MECOM: variants seen among roughly 807,000 people sequenced by gnomAD.
The protein encoded by MECOM is histone-lysine N-methyltransferase MECOM.
A neutral mutation model predicts 116.3 loss-of-function variants in MECOM; 13 were observed. The observed-to-expected ratio is 0.11, with a 90% CI of 0.07 to 0.18. MECOM has a LOEUF of 0.18. Ranked by LOEUF, MECOM falls within the 10% of genes least tolerant of loss-of-function variation. The probability of loss-of-function intolerance (pLI) is 1.00; values close to 1 mark genes in which losing one functional copy is unlikely to be tolerated. For missense variants in MECOM, 1,299 were observed against 1,509.0 expected, an observed-to-expected ratio of 0.86 and a Z score of 2.31; for synonymous variants, 528 against 535.2, an observed-to-expected ratio of 0.99 and a Z score of 0.19.
chr3:169,415,144 T>G (rs995456375), intron 1 of MECOM, among the ~76,000 whole-genome samples: 8 of 152,040 alleles, frequency 5.3e-5, no homozygotes, highest in African/African-American at 1.9e-4. Flanking sequence ...AAAGGTCAGG[T>G]TACACACAAA....
chr3:169,243,896 C>T (rs963353489), intron 2 of MECOM, among the ~76,000 whole-genome samples: 9 of 152,210 alleles, frequency 5.9e-5, no homozygotes, highest in African/African-American at 1.9e-4. Flanking sequence ...TTGGAGCACT[C>T]GCCTGACAGG....
At chr3:169,567,763 A>G (rs1173841917) in intron 1 of MECOM, among the ~76,000 whole-genome samples, 1 of 152,222 alleles carries the variant, frequency 6.6e-6, no homozygotes. Flanking sequence ...GTTAATTTCC[A>G]TAACACTTCT....
intron 2 of MECOM, among the ~76,000 whole-genome samples, chr3:169,261,409 A>C (rs1706988765): frequency 6.6e-6 from 1 of 152,158 alleles, no homozygotes; most frequent in Non-Finnish European, 1.5e-5. Flanking sequence ...ATTAAGAAAC[A>C]AAAGAAGGGA....
At position 169,583,713 on chromosome 3, in the gene MECOM, G is replaced by A. The variant is rs948693895; in HGVS notation, c.37+79623C>T. ...GTGTCACCCAGATTGGATGCAAACA[G>A]AACTCACTACAGCCTCTACCTCCTG... On this transcript the variant is annotated intron_variant, in intron 1 of 16. Transcript: ENST00000651503. Among the ~76,000 whole-genome samples, 191 of 151,418 alleles carry A rather than the reference G, an allele frequency of 1.3e-3. No individual in the cohort carries two copies. In the Middle Eastern group the frequency reaches 0.014, roughly 11 times the overall value.
At position 169,326,430 on chromosome 3, in the gene MECOM, A is replaced by G. The variant is rs146221554; in HGVS notation, c.375+54757T>C. ...TTAGACATGTAGAATTTATTATCTG[A>G]AAGAAAACCTAATCAATAGGTATTT... On this transcript the variant is annotated intron_variant, in intron 2 of 16. Coordinates refer to ENST00000651503, the MANE Select transcript of MECOM (RefSeq NM_004991.4). 2.0e-4 allele frequency among the ~76,000 whole-genome samples: 31 copies of G among 152,354 alleles called. No homozygotes were observed. The East Asian group carries it at 6.0e-3, about 29-fold the overall frequency.
chr3:169,504,083 G>C (rs189499656), intron 1 of MECOM, among the ~76,000 whole-genome samples: 1 of 149,610 alleles, frequency 6.7e-6, no homozygotes, highest in Non-Finnish European at 1.5e-5. Context: ...AGATCAAAAG[G>C]CACACTTTGT....
chr3:169,640,664 A>C (rs901614400), intron 1 of MECOM, among the ~76,000 whole-genome samples: 8 of 152,238 alleles, frequency 5.3e-5, no homozygotes, highest in African/African-American at 1.9e-4. Context: ...GACGTCATGG[A>C]AACATCACCA....
intron 1 of MECOM, among the ~76,000 whole-genome samples, chr3:169,420,086 G>A (rs1045950207): frequency 4.6e-5 from 7 of 152,118 alleles, no homozygotes; most frequent in East Asian, 3.9e-4. Context: ...TTAGAATGGC[G>A]ATCATTAAAA....
At chr3:169,410,140 A>T (rs1918965) in intron 1 of MECOM, among the ~76,000 whole-genome samples, 6,741 of 152,294 alleles carry the variant, frequency 0.044, 462 homozygotes, top group Admixed American at 0.19. Context: ...ATCAGGCGAA[A>T]TCAAAAATGG....
chr3:169,477,193 C>CAAAGGT (rs1750631115), intron 1 of MECOM: 1 of 136,628 alleles, frequency 7.3e-6, no homozygotes, highest in Non-Finnish European at 1.5e-5. Context: ...CTTCACACTG[C>CAAAGGT]AAAGGTCTAG....
intron 1 of MECOM, among the ~76,000 whole-genome samples, chr3:169,456,204 A>G (rs1215718472): frequency 1.3e-5 from 2 of 152,136 alleles, no homozygotes; most frequent in Admixed American, 6.5e-5. Context: ...CCACCACTAC[A>G]TGAGTCTTTT....
intron 2 of MECOM, among the ~76,000 whole-genome samples, chr3:169,154,522 C>G (rs1741648994): frequency 6.6e-6 from 1 of 152,150 alleles, no homozygotes; most frequent in African/African-American, 2.4e-5. Flanking sequence ...TTGCAATGAT[C>G]TCCTGCCAGA....
At chr3:169,605,506 A>G (rs773142190) in intron 1 of MECOM, among the ~76,000 whole-genome samples, 1 of 152,262 alleles carries the variant, frequency 6.6e-6, no homozygotes, top group Non-Finnish European at 1.5e-5. Flanking sequence ...TAACCCTGTT[A>G]GCCCTGTGTG....
chr3:169,138,180 T>C (rs1237614631), intron 3 of MECOM, among the ~76,000 whole-genome samples: 1 of 152,152 alleles, frequency 6.6e-6, no homozygotes, highest in African/African-American at 2.4e-5. Context: ...CAGAAATAGT[T>C]ACAGTCTATT....
chr3:169,221,623 G>A (rs566561365), intron 2 of MECOM, among the ~76,000 whole-genome samples: 1 of 150,560 alleles, frequency 6.6e-6, no homozygotes, highest in Non-Finnish European at 1.5e-5. Flanking sequence ...GTCTGGTTTT[G>A]AATGGGTTGG....
At chr3:169,093,894 A>G (rs987481660) in intron 13 of MECOM, among the ~76,000 whole-genome samples, 8 of 152,202 alleles carry the variant, frequency 5.3e-5, no homozygotes, top group African/African-American at 1.7e-4. Flanking sequence ...CAAAAACAGG[A>G]GGTTAGAACA....
intron 1 of MECOM, among the ~76,000 whole-genome samples, chr3:169,397,865 C>T (rs910402296): frequency 1.3e-5 from 2 of 152,174 alleles, no homozygotes; most frequent in African/African-American, 4.8e-5. Flanking sequence ...TGCCTCTAGA[C>T]ATTTTATGAA....
intron 2 of MECOM, among the ~76,000 whole-genome samples, chr3:169,289,248 CA>C (rs1714006815): frequency 6.6e-6 from 1 of 152,276 alleles, no homozygotes; most frequent in East Asian, 1.9e-4. Flanking sequence ...AAAATTAACA[CA>C]GAGATGCTAT....
At chr3:169,115,068 G>T (rs144218509) in intron 8 of MECOM, among the ~76,000 whole-genome samples, 1 of 151,936 alleles carries the variant, frequency 6.6e-6, no homozygotes, top group Non-Finnish European at 1.5e-5. Flanking sequence ...TCATTCTTCC[G>T]CCACTTGACA....
Sources: gnomAD v4.1 joint callset for allele counts (sites outside exome capture counted in the v4.1 genomes callset) on GRCh38, gnomAD v4.1.1 for gene constraint, MANE v1.5 for transcripts, NCBI Gene and HGNC (gene_info 2026-07-23, HGNC 2026-07-21) for gene names.